Variants in SLC4A10 observed in about 807,000 individuals in gnomAD.
SLC4A10 encodes the protein solute carrier family 4 member 10.
In SLC4A10, 42 loss-of-function variants were observed where a neutral mutation model predicts 137.7. The ratio of observed to expected loss-of-function variants is 0.30; its 90% CI spans 0.24 to 0.39. The LOEUF is 0.39. Among genes scored for constraint, SLC4A10 ranks in the 10% least tolerant of loss-of-function variants. SLC4A10 has a pLI of 1.00. For synonymous variants in SLC4A10, 474 were observed against 464.1 expected, an observed-to-expected ratio of 1.02 and a Z score of -0.27; for missense variants, 925 against 1,355.0, an observed-to-expected ratio of 0.68 and a Z score of 4.98.
intron 2 of SLC4A10, among the ~76,000 whole-genome samples, chr2:161,772,997 C>A (rs920669784): frequency 6.6e-6 from 1 of 151,686 alleles, no homozygotes; most frequent in Non-Finnish European, 1.5e-5. Context: ...GGGAGAGCAC[C>A]AAGGAGAAAG....
intron 1 of SLC4A10, among the ~76,000 whole-genome samples, chr2:161,755,596 T>C (rs2049530945): frequency 6.6e-6 from 1 of 152,178 alleles, no homozygotes; most frequent in Non-Finnish European, 1.5e-5. Context: ...TTGGGAGCAT[T>C]GAAAGTTTTC....
chr2:161,727,186 C>T (rs1178732336), intron 1 of SLC4A10, among the ~76,000 whole-genome samples: 2 of 152,194 alleles, frequency 1.3e-5, no homozygotes, highest in African/African-American at 2.4e-5. Flanking sequence ...ATTCCTTCAT[C>T]TTATTCCTAG....
intron 19 of SLC4A10, among the ~76,000 whole-genome samples, 179 bp from the exon 20 acceptor site, chr2:161,956,810 A>C (rs1034492261): frequency 6.6e-6 from 1 of 152,180 alleles, no homozygotes; most frequent in Non-Finnish European, 1.5e-5. Flanking sequence ...AATAGAAGTC[A>C]CCCAATGAGA....
At chr2:161,718,256 G>C (rs571569600) in intron 1 of SLC4A10, among the ~76,000 whole-genome samples, 1 of 151,750 alleles carries the variant, frequency 6.6e-6, no homozygotes, top group Admixed American at 6.6e-5. Flanking sequence ...TCCTGGATTC[G>C]TTGATTTTTT....
intron 1 of SLC4A10, among the ~76,000 whole-genome samples, chr2:161,714,754 T>C (rs980937392): frequency 6.6e-6 from 1 of 151,982 alleles, no homozygotes; most frequent in Admixed American, 6.6e-5. Flanking sequence ...ATTTTTATCT[T>C]AGGAAGTTAC....
intron 2 of SLC4A10, among the ~76,000 whole-genome samples, chr2:161,800,476 T>G (rs994962397): frequency 4.6e-5 from 7 of 152,174 alleles, no homozygotes; most frequent in Admixed American, 2.0e-4. Flanking sequence ...ATACCTGCCT[T>G]GCTTGTATTT....
rs546553841 is a variant in SLC4A10 at position 161,984,397 on chromosome 2, A to G, written c.*1245A>G. 1.3e-5 allele frequency: 2 copies of G among 152,280 alleles called. No homozygotes were observed. Among genetic ancestry groups the G allele is most frequent in the Non-Finnish European group, 2.9e-5 (2 of 67,984 alleles). 9.4% of individuals were successfully genotyped at this position (152,280 alleles called of 1,614,324 possible). On this transcript the variant is annotated 3_prime_UTR_variant, in exon 27 of 27. Coordinates refer to ENST00000446997, the MANE Select transcript of SLC4A10 (RefSeq NM_001178015.2). ...AGTACAGTATTTGATTTCACTTTCA[A>G]TGAATGTGAAGTTAATAAAACTAAA... is the stretch of plus-strand genomic sequence containing the variant.
At chr2:161,739,804 A>G (rs2047699906) in intron 1 of SLC4A10, among the ~76,000 whole-genome samples, 3 of 152,192 alleles carry the variant, frequency 2.0e-5, no homozygotes, top group African/African-American at 7.2e-5. Context: ...TCATCTCTGC[A>G]TTATTGCAGT....
At chr2:161,781,767 T>C (rs1399960772) in intron 2 of SLC4A10, among the ~76,000 whole-genome samples, 1 of 151,940 alleles carries the variant, frequency 6.6e-6, no homozygotes, top group African/African-American at 2.4e-5. Context: ...CACAGAAAAA[T>C]TCCCTTTGTG....
At chr2:161,673,191 CTG>C (rs982685219) in intron 1 of SLC4A10, among the ~76,000 whole-genome samples, 3 of 152,170 alleles carry the variant, frequency 2.0e-5, no homozygotes, top group African/African-American at 7.2e-5. Context: ...TTGAAAGAGT[CTG>C]AGGTTGTATC....
intron 1 of SLC4A10, among the ~76,000 whole-genome samples, chr2:161,681,259 C>T (rs2040820337): frequency 6.6e-6 from 1 of 152,124 alleles, no homozygotes; most frequent in Non-Finnish European, 1.5e-5. Flanking sequence ...TCATTGCCAC[C>T]ATTTCGCATC....
chr2:161,744,202 G>T (rs1197624195), intron 1 of SLC4A10, among the ~76,000 whole-genome samples: 1 of 152,062 alleles, frequency 6.6e-6, no homozygotes, highest in Non-Finnish European at 1.5e-5. Context: ...TCCTTGTCAT[G>T]TTTCACATCT....
At chr2:161,740,298 C>T (rs887178503) in intron 1 of SLC4A10, among the ~76,000 whole-genome samples, 5 of 152,102 alleles carry the variant, frequency 3.3e-5, no homozygotes, top group African/African-American at 9.7e-5. Flanking sequence ...CAGAGTCAGT[C>T]CTAGTACACA....
At chr2:161,725,659 G>T (rs1254570201) in intron 1 of SLC4A10, among the ~76,000 whole-genome samples, 1 of 152,072 alleles carries the variant, frequency 6.6e-6, no homozygotes, top group African/African-American at 2.4e-5. Flanking sequence ...CACCCGGGTG[G>T]TGTAATCATT....
intron 19 of SLC4A10, among the ~76,000 whole-genome samples, chr2:161,953,295 G>A (rs1360777827): frequency 6.6e-6 from 1 of 152,002 alleles, no homozygotes; most frequent in Non-Finnish European, 1.5e-5. Context: ...TCTTTTAGAT[G>A]ATATTTCTCC....
At chr2:161,665,820 C>G (rs1439677411) in intron 1 of SLC4A10, among the ~76,000 whole-genome samples, 3 of 150,892 alleles carry the variant, frequency 2.0e-5, no homozygotes, top group African/African-American at 4.8e-5. Context: ...ATAAAAGAGT[C>G]CAGAGGCCAT....
intron 1 of SLC4A10, among the ~76,000 whole-genome samples, chr2:161,751,198 A>G (rs531983571): frequency 1.3e-5 from 2 of 151,834 alleles, no homozygotes; most frequent in South Asian, 2.1e-4. Context: ...TTTTCATTCA[A>G]CTGCTCTCTA....
chr2:161,646,506 A>T (rs2036049384), intron 1 of SLC4A10, among the ~76,000 whole-genome samples: 1 of 152,012 alleles, frequency 6.6e-6, no homozygotes. Flanking sequence ...AGCAGAAAAT[A>T]ATAGGCTAAC....
chr2:161,722,862 C>T (rs1214618977), intron 1 of SLC4A10, among the ~76,000 whole-genome samples: 1 of 152,194 alleles, frequency 6.6e-6, no homozygotes, highest in Non-Finnish European at 1.5e-5. Context: ...TCTGTAAACG[C>T]CTGGATGGAG....
Sources: gnomAD v4.1 joint callset for allele counts (sites outside exome capture counted in the v4.1 genomes callset) on GRCh38, gnomAD v4.1.1 for gene constraint, MANE v1.5 for transcripts, NCBI Gene and HGNC (gene_info 2026-07-23, HGNC 2026-07-21) for gene names.